The following PKHD1 variants were observed in gnomAD, a reference collection of about 807,000 sequenced individuals.
PKHD1 encodes PKHD1 ciliary IPT domain containing fibrocystin/polyductin.
A neutral mutation model predicts 412.0 loss-of-function variants in PKHD1; 291 were observed. The observed-to-expected ratio is 0.71, with a 90% CI of 0.64 to 0.78. The LOEUF (loss-of-function observed/expected upper bound fraction) is 0.78. Among genes scored for constraint, PKHD1 ranks in the 30% least tolerant of loss-of-function variants. The pLI is 0.00. For missense variants in PKHD1, 4,825 were observed against 4,950.7 expected, an observed-to-expected ratio of 0.97 and a Z score of 0.76; for synonymous variants, 1,777 against 1,821.5, an observed-to-expected ratio of 0.98 and a Z score of 0.62.
chr6:51,756,182 T>A (rs1786984251), intron 55 of PKHD1, among the ~76,000 whole-genome samples: 1 of 152,140 alleles, frequency 6.6e-6, no homozygotes, highest in Non-Finnish European at 1.5e-5. Flanking sequence ...TTGATGCAAC[T>A]TTAATGAAGG....
chr6:51,823,510 TA>T (rs1272846297), intron 52 of PKHD1, among the ~76,000 whole-genome samples: 2 of 152,102 alleles, frequency 1.3e-5, no homozygotes, highest in Admixed American at 1.3e-4. Flanking sequence ...TAGCAAGCCA[TA>T]AAGAGTGTCA....
At chr6:51,798,238 G>A (rs1195955555) in intron 52 of PKHD1, among the ~76,000 whole-genome samples, 1 of 152,008 alleles carries the variant, frequency 6.6e-6, no homozygotes, top group Non-Finnish European at 1.5e-5. Flanking sequence ...AATTAGCCAG[G>A]CATGGTGATG....
chr6:51,808,433 C>A (rs1028175277), intron 52 of PKHD1, among the ~76,000 whole-genome samples: 17 of 151,852 alleles, frequency 1.1e-4, no homozygotes, highest in Admixed American at 7.9e-4. Context: ...ACTTTAAAAT[C>A]TTTTAAAAAA....
intron 35 of PKHD1, among the ~76,000 whole-genome samples, chr6:51,982,176 G>C (rs1368683893): frequency 6.9e-5 from 3 of 43,764 alleles, no homozygotes; most frequent in African/African-American, 1.5e-4. Context: ...ACCCCGTCCG[G>C]GAGGGAGGTG....
At chr6:51,886,541 G>A (rs1421082511) in intron 44 of PKHD1, among the ~76,000 whole-genome samples, 2 of 152,162 alleles carry the variant, frequency 1.3e-5, no homozygotes, top group Non-Finnish European at 2.9e-5. Context: ...AGGTAAGCCA[G>A]ACACAGAAGG....
intron 47 of PKHD1, 122 bp from the exon 48 acceptor site, chr6:51,868,231 G>A: frequency 1.1e-6 from 1 of 944,736 alleles, no homozygotes; most frequent in Non-Finnish European, 1.6e-6. Flanking sequence ...ACCTATTCAT[G>A]CAAGAAAAAA....
At chr6:51,693,649 C>T (rs901545154) in intron 60 of PKHD1, among the ~76,000 whole-genome samples, 1 of 152,164 alleles carries the variant, frequency 6.6e-6, no homozygotes, top group Non-Finnish European at 1.5e-5. Context: ...GATGAGATTG[C>T]CTCCAGAAGA....
chr6:52,043,615 C>G lies in PKHD1; in HGVS notation c.2821+10G>C. On this transcript the variant is annotated intron_variant, in intron 26 of 66. Transcript: ENST00000371117. ...TTAAGCCCATCTCAGAGCCAAGTGA[C>G]AAATCATACCAATGGAGTACCACAC... 6.3e-7 allele frequency: 1 copy of G among 1,588,552 alleles called. No individual in the cohort carries two copies. The highest frequency in any genetic ancestry group is 8.6e-7 in the Non-Finnish European group (1 of 1,156,900).
chr6:51,629,905 G>C (rs1767723755), intron 65 of PKHD1, among the ~76,000 whole-genome samples: 1 of 152,002 alleles, frequency 6.6e-6, no homozygotes, highest in African/African-American at 2.4e-5. Context: ...TAAAATTCAA[G>C]CTTTCATGGG....
rs750312874 is a variant in PKHD1 at position 51,934,322 on chromosome 6, C to T, written c.5909G>A (p.Gly1970Glu). The change falls in exon 37 of 67, where the codon GGG becomes GAG. Residue 1970 changes from glycine to glutamate, a missense_variant and splice_region_variant. Gly to Glu is a moderately conservative substitution (Grantham distance 98). Transcript: ENST00000371117. Reference protein sequence around the residue: ...TSILNLLHIKGGKLIFMAPGP... With the variant: ...TSILNLLHIKEGKLIFMAPGP... ...TGGGGCCATGAAAATCAGCTTGCCC[C>T]CTAATGGACAAAGGGAAAATTGTCA... 1 of 1,608,260 alleles carries T rather than the reference C, an allele frequency of 6.2e-7. No homozygotes were observed.
chr6:51,909,266 G>T lies in PKHD1; in HGVS notation c.6682+17C>A. 1 of 1,601,510 alleles carries T rather than the reference G, an allele frequency of 6.2e-7. No individual in the cohort carries two copies. The highest frequency in any genetic ancestry group is 8.6e-7 in the Non-Finnish European group (1 of 1,168,842). On this transcript the variant is annotated intron_variant, in intron 40 of 66. Transcript: ENST00000371117. ...GAGAAAGAAACATGAGAAAGTCCTA[G>T]GTCCGGACCCCCTTACCTCTCATAG... is the stretch of plus-strand genomic sequence containing the variant.
rs781101623 is a variant in PKHD1, at chr6:52,025,765, G to A, written c.4045C>T (p.Leu1349=). The change falls in exon 32 of 67, where the codon CTG becomes TTG. Residue 1349 remains leucine (L), a synonymous_variant. Coordinates refer to ENST00000371117, the MANE Select transcript of PKHD1 (RefSeq NM_138694.4). ...ETQSFQGNVS[L]SGCSIPLHSL... The stretch of plus-strand genomic sequence containing the variant: ...TGAAGAGGGATGGAGCATCCAGACA[G>A]GCTCACGTTGCCCTGGAAGGACTGT... 7 of 1,614,198 alleles carry A rather than the reference G, an allele frequency of 4.3e-6. No individual in the cohort carries two copies. The South Asian group carries it at 7.7e-5, about 18-fold the overall frequency.
At chr6:51,848,145 A>G (rs1013484484) in intron 49 of PKHD1, among the ~76,000 whole-genome samples, 175 bp from the exon 50 acceptor site, 5 of 152,236 alleles carry the variant, frequency 3.3e-5, no homozygotes, top group Non-Finnish European at 7.3e-5. Flanking sequence ...GAATACTTAA[A>G]TCTACTTCAT....
chr6:52,073,399 T>G, intron 7 of PKHD1, 64 bp downstream of exon 7: 1 of 983,502 alleles, frequency 1.0e-6, no homozygotes, highest in Non-Finnish European at 1.7e-6. Flanking sequence ...TCAGGGAAGC[T>G]GGTCCCAGGA....
intron 28 of PKHD1, among the ~76,000 whole-genome samples, chr6:52,035,355 C>A (rs1321304762): frequency 3.3e-5 from 5 of 152,142 alleles, no homozygotes; most frequent in Non-Finnish European, 7.3e-5. Context: ...CAGTACAGAC[C>A]AGAACTGCCT....
At chr6:51,781,661 C>T (rs6458776) in intron 53 of PKHD1, among the ~76,000 whole-genome samples, 113,909 of 151,622 alleles carry the variant, frequency 0.75, 43,012 homozygotes, top group East Asian at 0.97. Context: ...AGTGTCTGTA[C>T]ATAATACATG....
intron 35 of PKHD1, among the ~76,000 whole-genome samples, chr6:51,986,929 G>A (rs991998377): frequency 2.6e-5 from 4 of 152,192 alleles, no homozygotes; most frequent in Non-Finnish European, 5.9e-5. Flanking sequence ...GACTACCTCT[G>A]GCACACACAT....
chr6:51,669,958 T>G (rs1235387902), intron 60 of PKHD1, among the ~76,000 whole-genome samples: 1 of 151,318 alleles, frequency 6.6e-6, no homozygotes, highest in East Asian at 1.9e-4. Context: ...AGGAGAGCTT[T>G]ACTTCCAACT....
In PKHD1 at chr6:51,659,607, G is replaced by A. The variant is rs1218290930; in HGVS notation, c.10519C>T (p.His3507Tyr). Residue 3507 changes from histidine (H) to tyrosine (Y), a missense_variant, in exon 61 of 67, where the codon CAC (histidine) becomes TAC (tyrosine). His to Tyr is a moderately conservative substitution (Grantham distance 83). Coordinates refer to ENST00000371117, the MANE Select transcript of PKHD1 (RefSeq NM_138694.4). The part of the protein sequence containing the change: ...AVFYHELQSP[H>Y]VFLGESFIPP... ...ATAAAACTTTCCCCTAAGAAGACGT[G>A]GGGGCTCTGGAGCTCATGGTAGAAT... is the stretch of plus-strand genomic sequence containing the variant. 1.9e-5 allele frequency: 31 copies of A among 1,613,604 alleles called. No individual in the cohort carries two copies. The highest frequency in any genetic ancestry group is 2.4e-5 in the Non-Finnish European group (28 of 1,179,820).
Sources: allele counts gnomAD v4.1 joint callset (sites outside exome capture counted in the v4.1 genomes callset), GRCh38; gene constraint gnomAD v4.1.1; transcripts MANE v1.5; gene names NCBI Gene and HGNC (gene_info 2026-07-23, HGNC 2026-07-21).